BMPR1A: variants seen among roughly 807,000 people sequenced by gnomAD.
BMPR1A encodes the protein bone morphogenetic protein receptor type 1A, also known as bone morphogenetic protein receptor type-1A.
Under a neutral mutation model 66.0 loss-of-function variants are expected in BMPR1A, and 7 were observed. The observed-to-expected ratio is 0.11, with a 90% CI of 0.06 to 0.20. The LOEUF is 0.20. BMPR1A is among the 10% of genes least tolerant of loss of function. The pLI is 1.00. For missense variants in BMPR1A, 408 were observed against 669.1 expected, an observed-to-expected ratio of 0.61 and a Z score of 4.31; for synonymous variants, 200 against 229.7, an observed-to-expected ratio of 0.87 and a Z score of 1.17.
intron 1 of BMPR1A, among the ~76,000 whole-genome samples, chr10:86,793,457 G>A (rs1356708159): frequency 6.6e-6 from 1 of 150,908 alleles, no homozygotes; most frequent in South Asian, 2.1e-4. Context: ...TCTGCCTCCC[G>A]GATTCAAGCG....
chr10:86,791,858 A>T (rs1354121550), intron 1 of BMPR1A, among the ~76,000 whole-genome samples: 1 of 147,562 alleles, frequency 6.8e-6, no homozygotes, highest in Non-Finnish European at 1.5e-5. Context: ...AGTAGCTGGG[A>T]CTACAGATGT....
At chr10:86,813,078 A>C (rs1841992057) in intron 1 of BMPR1A, among the ~76,000 whole-genome samples, 1 of 152,178 alleles carries the variant, frequency 6.6e-6, no homozygotes, top group Admixed American at 6.5e-5. Context: ...AAAATAATGA[A>C]TTTGGTTCCC....
intron 2 of BMPR1A, among the ~76,000 whole-genome samples, chr10:86,849,626 C>T (rs531928940): frequency 9.8e-5 from 15 of 152,286 alleles, no homozygotes; most frequent in African/African-American, 2.6e-4. Flanking sequence ...CTACACTCTC[C>T]GATATGGTTG....
intron 1 of BMPR1A, among the ~76,000 whole-genome samples, chr10:86,837,807 T>C (rs1251131123): frequency 6.6e-6 from 1 of 152,218 alleles, no homozygotes; most frequent in Non-Finnish European, 1.5e-5. Flanking sequence ...AGGGTCAGGC[T>C]GTCTTTAGCC....
intron 3 of BMPR1A, among the ~76,000 whole-genome samples, chr10:86,881,537 A>G (rs926588036): frequency 1.3e-5 from 2 of 152,214 alleles, no homozygotes; most frequent in African/African-American, 2.4e-5. Flanking sequence ...TGCCCACAAC[A>G]TACAGAGCAG....
intron 8 of BMPR1A, among the ~76,000 whole-genome samples, chr10:86,914,412 T>G (rs760236595): frequency 9.2e-5 from 14 of 152,116 alleles, no homozygotes; most frequent in Non-Finnish European, 2.1e-4. Context: ...TTATCAAAAT[T>G]TAAAACTTCT....
In BMPR1A at chr10:86,892,208, A is replaced by G. The variant is rs1199044872; in HGVS notation, c.312A>G (p.Glu104=). The G allele has an allele frequency of 3.1e-6, 5 of 1,613,652 alleles. No individual in the cohort carries two copies. The highest frequency in any genetic ancestry group is 4.2e-6 in the Non-Finnish European group (5 of 1,179,572). ...TTLASGCMKY[E]GSDFQCKDSP... ...TAGCTTCAGGGTGTATGAAATATGA[A>G]GGATCTGATTTTCAGTGCAAAGTAA... The change falls in exon 5 of 13, where the codon GAA becomes GAG. Residue 104 remains glutamate (E), a synonymous_variant. Coordinates refer to ENST00000372037, the MANE Select transcript of BMPR1A (RefSeq NM_004329.3).
In BMPR1A at chr10:86,890,089, G is replaced by A. The variant is rs1843125149; in HGVS notation, c.95G>A (p.Gly32Asp). ...CAGAATCTGGATAGTATGCTTCATG[G>A]CACTGGGATGAAATCAGACTCCGAC... ...QGQNLDSMLH[G>D]TGMKSDSDQK... Residue 32 changes from glycine (G) to aspartate (D), a missense_variant, in exon 4 of 13, where the codon GGC becomes GAC. Physicochemically the swap from Gly to Asp is moderately conservative, Grantham distance 94. Coordinates refer to ENST00000372037, the MANE Select transcript of BMPR1A (RefSeq NM_004329.3). The A allele has an allele frequency of 6.2e-7, 1 of 1,613,350 alleles. No homozygotes were observed. The highest frequency in any genetic ancestry group is 8.5e-7 in the Non-Finnish European group (1 of 1,179,982).
At chr10:86,784,179 T>C (rs1841478964) in intron 1 of BMPR1A, among the ~76,000 whole-genome samples, 1 of 152,194 alleles carries the variant, frequency 6.6e-6, no homozygotes, top group South Asian at 2.1e-4. Flanking sequence ...GTCTTGTTCC[T>C]GATCTTAGAG....
intron 2 of BMPR1A, among the ~76,000 whole-genome samples, chr10:86,861,092 T>C (rs7904078): frequency 0.41 from 61,561 of 151,880 alleles, 15,113 homozygotes; most frequent in East Asian, 0.71. Context: ...CCGCCATCCT[T>C]GGCCTCCCAA....
In BMPR1A at chr10:86,897,133, G is replaced by A. The variant is rs575404510; in HGVS notation, c.334-2661G>A. 1.4e-4 allele frequency among the ~76,000 whole-genome samples: 22 copies of A among 152,276 alleles called. 1 individual carries two copies. The South Asian group carries it at 4.6e-3, about 32-fold the overall frequency. On this transcript the variant is annotated intron_variant, in intron 5 of 12. Transcript: ENST00000372037. Reference sequence around the variant, plus strand: ...CCTCACTGCCATTCCTTGTAACTTGGCGTCAGTTCCTTCCTCATATACTGT... The same window carrying A: ...CCTCACTGCCATTCCTTGTAACTTGACGTCAGTTCCTTCCTCATATACTGT...
intron 3 of BMPR1A, among the ~76,000 whole-genome samples, chr10:86,879,621 A>T (rs547634642): frequency 2.0e-5 from 3 of 152,308 alleles, no homozygotes; most frequent in Admixed American, 2.0e-4. Context: ...GTTGCTATGA[A>T]ATTTTCAGTT....
chr10:86,790,177 AAAAAAAAAAAAAT>A (rs1841583641), intron 1 of BMPR1A, among the ~76,000 whole-genome samples: 2 of 44,058 alleles, frequency 4.5e-5, no homozygotes, highest in Non-Finnish European at 8.2e-5. Context: ...AAAAAAAAAA[AAAAAAAAAAAAAT>A]ATATATATAT....
chr10:86,857,914 T>C (rs1842665859), intron 2 of BMPR1A, among the ~76,000 whole-genome samples: 1 of 152,076 alleles, frequency 6.6e-6, no homozygotes, highest in African/African-American at 2.4e-5. Context: ...TGCCTGTTCC[T>C]CCCAAAGTGC....
intron 1 of BMPR1A, among the ~76,000 whole-genome samples, chr10:86,775,225 C>T (rs1384967031): frequency 2.0e-5 from 3 of 152,182 alleles, no homozygotes; most frequent in Non-Finnish European, 2.9e-5. Flanking sequence ...ACGTGGTAAA[C>T]GAGGAAATCC....
At chr10:86,857,603 T>C (rs1842658621) in intron 2 of BMPR1A, among the ~76,000 whole-genome samples, 1 of 152,164 alleles carries the variant, frequency 6.6e-6, no homozygotes, top group African/African-American at 2.4e-5. Context: ...TACAGTCATC[T>C]GAAAGCCTGA....
At position 86,789,923 on chromosome 10, in the gene BMPR1A, G is replaced by A. The variant is rs554015843; in HGVS notation, c.-268+33004G>A. ...TGTAATCCTAGCACTTTGGGAGGCC[G>A]AGGAGGGCAGATCATGAGGTCAGGA... On this transcript the variant is annotated intron_variant, in intron 1 of 12. Coordinates refer to ENST00000372037, the MANE Select transcript of BMPR1A (RefSeq NM_004329.3). 7.3e-5 allele frequency among the ~76,000 whole-genome samples: 11 copies of A among 150,912 alleles called. 1 individual carries two copies. The highest frequency in any genetic ancestry group is 1.9e-4 in the African/African-American group (8 of 41,202).
intron 1 of BMPR1A, among the ~76,000 whole-genome samples, chr10:86,800,581 C>T (rs933219856): frequency 2.0e-5 from 3 of 152,026 alleles, no homozygotes; most frequent in Admixed American, 6.6e-5. Flanking sequence ...TTAGTAGAGA[C>T]GGGATTTCAC....
intron 1 of BMPR1A, among the ~76,000 whole-genome samples, chr10:86,797,166 GC>G (rs1304111530): frequency 1.4e-5 from 2 of 147,500 alleles, no homozygotes; most frequent in Non-Finnish European, 3.0e-5. Context: ...CCAAGTTCAA[GC>G]AATTCTCCTG....
Sources: allele counts gnomAD v4.1 joint callset (sites outside exome capture counted in the v4.1 genomes callset), GRCh38; gene constraint gnomAD v4.1.1; transcripts MANE v1.5; gene names NCBI Gene and HGNC (gene_info 2026-07-23, HGNC 2026-07-21).